The following CSNK1G1 variants were observed in gnomAD, a reference collection of about 807,000 sequenced individuals.
CSNK1G1 encodes casein kinase I isoform gamma-1.
CSNK1G1 carries 22 observed loss-of-function variants against 59.6 expected under a neutral mutation model. The ratio of observed to expected loss-of-function variants is 0.37; its 90% CI spans 0.26 to 0.53. CSNK1G1 has a LOEUF of 0.53. CSNK1G1 is among the 20% of genes least tolerant of loss of function. CSNK1G1 has a pLI of 0.89. For missense variants in CSNK1G1, 384 were observed against 519.5 expected (o/e 0.74, Z 2.54); for synonymous variants, 179 against 177.1 (o/e 1.01, Z -0.08).
At position 64,210,765 on chromosome 15, in the gene CSNK1G1, C is replaced by T. The variant is rs2082239806; in HGVS notation, c.679+3125G>A. Among the ~76,000 whole-genome samples the T allele has an allele frequency of 6.6e-6, 1 of 152,238 alleles. No homozygotes were observed. The highest frequency in any genetic ancestry group is 2.1e-4 in the South Asian group (1 of 4,818). ...ATGGTCTGGATTTCTGTCCTTCCCC[C>T]GGACCCCCCAACACACACAAACCTC... On this transcript the variant is annotated intron_variant, in intron 6 of 11. Transcript: ENST00000303052. The surrounding 1 kb of genome is among the most constrained non-coding windows in gnomAD (Gnocchi z 4.2).
chr15:64,204,302 G>T, intron 9 of CSNK1G1, 139 bp downstream of exon 9: 1 of 670,554 alleles, frequency 1.5e-6, no homozygotes, highest in Non-Finnish European at 2.3e-6. Context: ...GACAAGGCTA[G>T]TAAATATACA....
At chr15:64,346,585 GT>G (rs1897992851) in intron 1 of CSNK1G1, among the ~76,000 whole-genome samples, 1 of 151,940 alleles carries the variant, frequency 6.6e-6, no homozygotes, top group Admixed American at 6.6e-5. Flanking sequence ...AGCCTCCTGA[GT>G]AGCTGGGATT....
At chr15:64,182,835 T>G (rs2081837653) in intron 10 of CSNK1G1, among the ~76,000 whole-genome samples, 1 of 152,194 alleles carries the variant, frequency 6.6e-6, no homozygotes, top group Non-Finnish European at 1.5e-5. Context: ...AGTTGAAATT[T>G]TCAATACAAA....
intron 1 of CSNK1G1, among the ~76,000 whole-genome samples, chr15:64,349,975 T>C (rs1382311970): frequency 1.3e-5 from 2 of 151,114 alleles, no homozygotes; most frequent in African/African-American, 4.9e-5. Context: ...GCCAACTATG[T>C]GCACACATTT....
At chr15:64,321,726 GTGTC>G (rs1227237664) in intron 1 of CSNK1G1, among the ~76,000 whole-genome samples, 3 of 152,178 alleles carry the variant, frequency 2.0e-5, no homozygotes, top group Non-Finnish European at 4.4e-5. Flanking sequence ...AAATTTAAAA[GTGTC>G]TGGTCAAACA....
chr15:64,211,589 G>A (rs1334957163), intron 6 of CSNK1G1, among the ~76,000 whole-genome samples: 6 of 151,900 alleles, frequency 3.9e-5, no homozygotes, highest in South Asian at 2.1e-4. Flanking sequence ...AATAATAATC[G>A]GGATAATTAC....
chr15:64,227,911 C>T (rs1024333815), intron 4 of CSNK1G1, among the ~76,000 whole-genome samples: 3 of 152,142 alleles, frequency 2.0e-5, no homozygotes, highest in African/African-American at 7.2e-5. Flanking sequence ...GTGTTGTTGC[C>T]AAAATTATTC....
rs548192542 is a variant in CSNK1G1, at chr15:64,204,845, A to C, written c.850+20T>G. The stretch of plus-strand genomic sequence containing the variant: ...AGTTTCAAAGCTCAGTCACACTGGA[A>C]TGTCTTTTTAGCATCCCACCTGGAA... On this transcript the variant is annotated intron_variant, in intron 8 of 11. Coordinates refer to ENST00000303052, the MANE Select transcript of CSNK1G1 (RefSeq NM_022048.5). 1 of 1,523,882 alleles carries C rather than the reference A, an allele frequency of 6.6e-7. No homozygotes were observed. The highest frequency in any genetic ancestry group is 1.4e-5 in the African/African-American group (1 of 73,068). The allele number at this position is 1,523,882 out of a possible 1,614,324, so 94.4% of individuals were successfully genotyped here. A position where few individuals can be genotyped will look rare whatever the true frequency, so the allele number is the denominator to read the frequency against.
chr15:64,340,989 C>CTTTTTTTT (rs908101815), intron 1 of CSNK1G1, among the ~76,000 whole-genome samples: 1 of 10,512 alleles, frequency 9.5e-5, no homozygotes, highest in African/African-American at 1.5e-4. Flanking sequence ...TAATTTTTAT[C>CTTTTTTTT]TTTTTTTTTT....
chr15:64,219,544 G>A (rs145292503), intron 4 of CSNK1G1, among the ~76,000 whole-genome samples: 3 of 151,004 alleles, frequency 2.0e-5, no homozygotes, highest in East Asian at 2.0e-4. Flanking sequence ...CTGCAGCCTC[G>A]ACCTCCTGGG....
chr15:64,216,760 C>G lies in CSNK1G1; in HGVS notation c.293-47G>C, dbSNP rs761973774. The stretch of plus-strand genomic sequence containing the variant: ...GGGTATACAGTGGGAGACACAAAAG[C>G]CAAAATATGAGATAACAGTATTAGC... On this transcript the variant is annotated intron_variant, in intron 4 of 11. Coordinates refer to ENST00000303052, the MANE Select transcript of CSNK1G1 (RefSeq NM_022048.5). This position sits in a 1 kb window ranked among gnomAD's most constrained non-coding sequence, Gnocchi z 4.6. 2.0e-6 allele frequency: 3 copies of G among 1,537,156 alleles called. No homozygotes were observed. The African/African-American group carries it at 4.1e-5, about 21-fold the overall frequency.
chr15:64,349,003 A>G (rs1898128565), intron 1 of CSNK1G1, among the ~76,000 whole-genome samples: 1 of 151,998 alleles, frequency 6.6e-6, no homozygotes, highest in South Asian at 2.1e-4. Flanking sequence ...CATGGTAGGT[A>G]GCGGGCACCT....
At chr15:64,290,815 G>T (rs576176957) in intron 2 of CSNK1G1, among the ~76,000 whole-genome samples, 35 of 152,160 alleles carry the variant, frequency 2.3e-4, no homozygotes, top group African/African-American at 8.0e-4. Context: ...GCAATGGCAC[G>T]ATCTCAGCTC....
Position 64,204,854 on chromosome 15 carries a change from T to C in CSNK1G1, c.850+11A>G. On this transcript the variant is annotated intron_variant, in intron 8 of 11. Coordinates refer to ENST00000303052, the MANE Select transcript of CSNK1G1 (RefSeq NM_022048.5). ...GCTCAGTCACACTGGAATGTCTTTT[T>C]AGCATCCCACCTGGAAAGTTCTCAC... 6.3e-7 allele frequency: 1 copy of C among 1,581,382 alleles called. No homozygotes were observed. Among genetic ancestry groups the C allele is most frequent in the East Asian group, 2.2e-5 (1 of 44,740 alleles).
At position 64,169,110 on chromosome 15, in the gene CSNK1G1, G is replaced by C. The variant is rs2081635608; in HGVS notation, c.*2821C>G. 1 of 152,750 alleles carries C rather than the reference G, an allele frequency of 6.5e-6. No homozygotes were observed. Among genetic ancestry groups the C allele is most frequent in the East Asian group, 1.9e-4 (1 of 5,192 alleles). The allele number at this position is 152,750 out of a possible 1,614,324, so 9.5% of individuals were successfully genotyped here. ...GCAAGGCAGCTTGCCCTGCAGCCAA[G>C]CTGGTCAGTGCCTTTGCTTTTGTGT... On this transcript the variant is annotated 3_prime_UTR_variant, in exon 12 of 12. Transcript: ENST00000303052.
intron 2 of CSNK1G1, among the ~76,000 whole-genome samples, chr15:64,281,410 A>C (rs1434153504): frequency 2.0e-5 from 3 of 152,214 alleles, no homozygotes; most frequent in African/African-American, 7.2e-5. Flanking sequence ...GTTCCAGACC[A>C]GTCTGAGCAA....
intron 6 of CSNK1G1, among the ~76,000 whole-genome samples, chr15:64,207,863 T>C (rs778014029): frequency 6.6e-6 from 1 of 150,468 alleles, no homozygotes; most frequent in African/African-American, 2.5e-5. Context: ...ACAGTGAATT[T>C]CCACCCCTCA....
At chr15:64,247,844 A>G (rs918211172) in intron 4 of CSNK1G1, among the ~76,000 whole-genome samples, 3 of 152,240 alleles carry the variant, frequency 2.0e-5, no homozygotes, top group Non-Finnish European at 4.4e-5. Context: ...TCTGGATATC[A>G]CAGCAATAGG....
At chr15:64,318,167 T>C (rs1289549067) in intron 1 of CSNK1G1, among the ~76,000 whole-genome samples, 2 of 151,118 alleles carry the variant, frequency 1.3e-5, no homozygotes, top group African/African-American at 4.8e-5. Flanking sequence ...AAATTAATCA[T>C]ATATATATAT....
Sources: gnomAD v4.1 joint callset for allele counts (sites outside exome capture counted in the v4.1 genomes callset) on GRCh38, gnomAD v4.1.1 for gene constraint, Gnocchi (gnomAD v3.1) non-coding constraint, MANE v1.5 for transcripts, NCBI Gene and HGNC (gene_info 2026-07-23, HGNC 2026-07-21) for gene names.